The following CDH20 variants were observed in gnomAD, a reference collection of about 807,000 sequenced individuals.
CDH20 encodes the protein cadherin-20.
A neutral mutation model predicts 74.2 loss-of-function variants in CDH20; 29 were observed. The ratio of observed to expected loss-of-function variants is 0.39; its 90% confidence interval spans 0.29 to 0.53. CDH20 has a LOEUF of 0.53. Ranked by LOEUF, CDH20 falls within the 20% of genes least tolerant of loss-of-function variation. CDH20 has a pLI of 0.69. For missense variants in CDH20, 988 were observed against 1,048.3 expected, an observed-to-expected ratio of 0.94 and a Z score of 0.79; for synonymous variants, 469 against 405.4, an observed-to-expected ratio of 1.16 and a Z score of -1.88.
Position 61,554,943 on chromosome 18 carries a change from ACT to A in CDH20, c.*249_*250del. 7.4e-7 allele frequency: 1 copy of A among 1,356,054 alleles called. No individual in the cohort carries two copies. Among genetic ancestry groups the A allele is most frequent in the South Asian group, 2.1e-5 (1 of 48,428 alleles). 84.0% of individuals were successfully genotyped at this position (1,356,054 alleles called of 1,614,324 possible). On this transcript the variant is annotated 3_prime_UTR_variant, in exon 12 of 12. Coordinates refer to ENST00000262717, the MANE Select transcript of CDH20 (RefSeq NM_031891.4). ...TTCTTTTCTTTTTGATTTTTCTGAC[ACT>A]GTGTGCGAAGGCTTGGAGTCCAAGG...
At chr18:61,396,034 TCA>T (rs1911959577) in intron 1 of CDH20, among the ~76,000 whole-genome samples, 1 of 150,328 alleles carries the variant, frequency 6.7e-6, no homozygotes, top group Non-Finnish European at 1.5e-5. Context: ...TCCTGTGCAC[TCA>T]CAGAGTGTGT....
Position 61,490,616 on chromosome 18 carries a change from C to T in CDH20, c.63C>T (p.Tyr21=). ...GGCTTGGACTTGGCATGTCCTTGTA[C>T]TTCTGGGGGCTGATGGACCTTACGA... is the stretch of plus-strand genomic sequence containing the variant. ...KNWLGLGMSL[Y]FWGLMDLTTT... is the part of the protein sequence containing the mutation. Residue 21 remains tyrosine, a synonymous_variant, in exon 2 of 12, where the codon TAC becomes TAT. Transcript: ENST00000262717. The T allele has an allele frequency of 6.2e-7, 1 of 1,614,092 alleles. No homozygotes were observed. Among genetic ancestry groups the T allele is most frequent in the East Asian group, 2.2e-5 (1 of 44,878 alleles).
intron 1 of CDH20, among the ~76,000 whole-genome samples, chr18:61,367,874 A>G (rs1489749457): frequency 6.6e-6 from 1 of 152,096 alleles, no homozygotes; most frequent in Non-Finnish European, 1.5e-5. Context: ...TTTGGCTTGT[A>G]GATGGCCGTC....
At chr18:61,420,052 T>G (rs2144270841) in intron 1 of CDH20, among the ~76,000 whole-genome samples, 1 of 152,340 alleles carries the variant, frequency 6.6e-6, no homozygotes, top group East Asian at 1.9e-4. Flanking sequence ...CACATTTATA[T>G]TTTGGTAGTG....
At chr18:61,426,732 G>T (rs1338541458) in intron 1 of CDH20, among the ~76,000 whole-genome samples, 1 of 152,224 alleles carries the variant, frequency 6.6e-6, no homozygotes, top group Non-Finnish European at 1.5e-5. Context: ...TTGCAGGGAA[G>T]TCAGTCATAA....
chr18:61,535,066 G>A (rs533238690), intron 7 of CDH20, among the ~76,000 whole-genome samples: 18 of 151,908 alleles, frequency 1.2e-4, no homozygotes, highest in African/African-American at 2.4e-4. Flanking sequence ...CTGTAATCCC[G>A]GCACTTTGGG....
At chr18:61,436,808 G>A (rs115302431) in intron 1 of CDH20, among the ~76,000 whole-genome samples, 3,957 of 152,152 alleles carry the variant, frequency 0.026, 165 homozygotes, top group African/African-American at 0.09. Flanking sequence ...GGCTTTTCCT[G>A]TTCTGCATTG....
chr18:61,426,084 A>T (rs1213536147), intron 1 of CDH20, among the ~76,000 whole-genome samples: 2 of 151,776 alleles, frequency 1.3e-5, no homozygotes, highest in Admixed American at 1.3e-4. Context: ...CTCATTCATT[A>T]CCTCTCATAG....
chr18:61,379,075 T>A (rs1911346806), intron 1 of CDH20, among the ~76,000 whole-genome samples: 1 of 152,134 alleles, frequency 6.6e-6, no homozygotes, highest in Admixed American at 6.5e-5. Context: ...ACAATTAGGT[T>A]TTTCCCCTTA....
At chr18:61,434,174 A>G (rs1908752214) in intron 1 of CDH20, among the ~76,000 whole-genome samples, 1 of 152,160 alleles carries the variant, frequency 6.6e-6, no homozygotes, top group Non-Finnish European at 1.5e-5. Context: ...ATGTGTGTAA[A>G]ATCAGTGAAA....
chr18:61,526,650 G>T (rs923340907), intron 6 of CDH20, among the ~76,000 whole-genome samples: 1 of 152,012 alleles, frequency 6.6e-6, no homozygotes, highest in Admixed American at 6.6e-5. Context: ...TTCAGAAATA[G>T]CATTTTAAGT....
intron 1 of CDH20, among the ~76,000 whole-genome samples, chr18:61,354,385 A>G (rs909331653): frequency 1.2e-4 from 18 of 152,162 alleles, no homozygotes; most frequent in African/African-American, 4.1e-4. Context: ...AGGAGGGCAG[A>G]TCACCTGAGG....
chr18:61,336,134 A>G (rs1909751152), intron 1 of CDH20, among the ~76,000 whole-genome samples: 2 of 152,198 alleles, frequency 1.3e-5, no homozygotes, highest in South Asian at 2.1e-4. Flanking sequence ...CGGAAGGAAG[A>G]CGCCACTATC....
At chr18:61,483,649 A>T (rs946133352) in intron 1 of CDH20, among the ~76,000 whole-genome samples, 2 of 152,138 alleles carry the variant, frequency 1.3e-5, no homozygotes, top group African/African-American at 4.8e-5. Flanking sequence ...CTCCCTCCTA[A>T]ACTGTAAACT....
intron 1 of CDH20, among the ~76,000 whole-genome samples, chr18:61,385,369 C>T (rs866729993): frequency 2.6e-5 from 4 of 151,984 alleles, no homozygotes; most frequent in African/African-American, 9.6e-5. Flanking sequence ...AAATAAATAT[C>T]CATACTTAGG....
intron 9 of CDH20, 119 bp downstream of exon 9, chr18:61,539,264 A>G (rs1268657318): frequency 6.1e-6 from 6 of 979,902 alleles, no homozygotes; most frequent in African/African-American, 1.6e-5. Context: ...TTCACAAAAC[A>G]GAGTCCCTAA....
chr18:61,379,338 T>C lies in CDH20; in HGVS notation c.-153+45511T>C, dbSNP rs1911356379. On this transcript the variant is annotated intron_variant, in intron 1 of 11. Transcript: ENST00000262717. ...GCTCCCTTCAAATTTTTCTTAGGGC[T>C]CTTTGAGAAACTTGTAATGTTGAAA... Among the ~76,000 whole-genome samples, 5 of 152,226 alleles carry C rather than the reference T, an allele frequency of 3.3e-5. No homozygotes were observed. The South Asian group carries it at 1.0e-3, about 32-fold the overall frequency.
chr18:61,388,215 T>C (rs548948725), intron 1 of CDH20, among the ~76,000 whole-genome samples: 31 of 152,258 alleles, frequency 2.0e-4, no homozygotes, highest in African/African-American at 5.5e-4. Context: ...TGAGTAATAT[T>C]TTTATCTGGC....
At chr18:61,420,308 T>C (rs1389503949) in intron 1 of CDH20, among the ~76,000 whole-genome samples, 2 of 151,978 alleles carry the variant, frequency 1.3e-5, no homozygotes, top group African/African-American at 4.8e-5. Context: ...TCAATGAAAA[T>C]GATTTCAGTA....
Sources: gnomAD v4.1 joint callset for allele counts (sites outside exome capture counted in the v4.1 genomes callset) on GRCh38, gnomAD v4.1.1 for gene constraint, MANE v1.5 for transcripts, NCBI Gene and HGNC (gene_info 2026-07-23, HGNC 2026-07-21) for gene names.